Variants in CNOT9 observed in about 807,000 individuals in gnomAD.
CNOT9 encodes the protein RCD1 required for cell differentiation1 homolog.
A neutral mutation model predicts 37.4 loss-of-function variants in CNOT9; 8 were observed. That is an observed-to-expected ratio of 0.21 (90% CI 0.13 to 0.39). CNOT9 has a LOEUF of 0.39. CNOT9 is among the 10% of genes least tolerant of loss of function. The probability of loss-of-function intolerance (pLI) is 1.00; values close to 1 mark genes in which losing one functional copy is unlikely to be tolerated. For missense variants in CNOT9, 154 were observed against 365.3 expected (o/e 0.42, Z 4.71); for synonymous variants, 120 against 137.6 (o/e 0.87, Z 0.90).
intron 5 of CNOT9, among the ~76,000 whole-genome samples, chr2:218,590,457 T>C (rs1447671128): frequency 6.6e-6 from 1 of 152,234 alleles, no homozygotes; most frequent in Non-Finnish European, 1.5e-5. Flanking sequence ...TGTAAGTTTA[T>C]ATTAGGTTCC....
chr2:218,594,408 G>GTACCTTGCCCCTTTT lies in CNOT9; in HGVS notation c.*132_*133insTACCTTGCCCCTTTT. The GTACCTTGCCCCTTTT allele has an allele frequency of 2.9e-6, 3 of 1,039,954 alleles. No homozygotes were observed. Among genetic ancestry groups the GTACCTTGCCCCTTTT allele is most frequent in the Non-Finnish European group, 4.1e-6 (3 of 726,670 alleles). The allele number at this position is 1,039,954 out of a possible 1,614,324, so 64.4% of individuals were successfully genotyped here. ...TGCTGAACCGCACTGGAGAAAAGGG[G>GTACCTTGCCCCTTTT]CAAGGTACCCCTGCTGAGGTGTATG... On this transcript the variant is annotated 3_prime_UTR_variant, in exon 8 of 8. Coordinates refer to ENST00000273064, the MANE Select transcript of CNOT9 (RefSeq NM_005444.3).
In CNOT9 at chr2:218,596,931, C is replaced by T. The variant is rs534707566; in HGVS notation, c.*2655C>T. ...GCCTTAGAGGGCCTGTGGCCTGTTT[C>T]ACTGGTGGAACAGGAGCAGCATTGG... On this transcript the variant is annotated 3_prime_UTR_variant, in exon 8 of 8. Transcript: ENST00000273064. 1 of 152,172 alleles carries T rather than the reference C, an allele frequency of 6.6e-6. No homozygotes were observed. The highest frequency in any genetic ancestry group is 2.4e-5 in the African/African-American group (1 of 41,448). 9.4% of individuals were successfully genotyped at this position (152,172 alleles called of 1,614,324 possible).
chr2:218,586,575 G>A (rs879261673), intron 4 of CNOT9, among the ~76,000 whole-genome samples: 2 of 150,004 alleles, frequency 1.3e-5, no homozygotes, highest in African/African-American at 4.9e-5. Flanking sequence ...TGCACCCTCC[G>A]CCTCCTGGGT....
At position 218,594,189 on chromosome 2, in the gene CNOT9, C is replaced by T. The variant is rs749872760; in HGVS notation, c.813C>T (p.Thr271=). Residue 271 remains threonine, a synonymous_variant, in exon 8 of 8, where the codon ACC becomes ACT. Coordinates refer to ENST00000273064, the MANE Select transcript of CNOT9 (RefSeq NM_005444.3). ...TFAQVLKDDT[T]TKRWLAQLVK... ...CCCAGGTGCTAAAAGATGACACCACCACGAAACGCTGGCTTGCACAACTGG... is the reference window on the plus strand; with the variant it reads ...CCCAGGTGCTAAAAGATGACACCACTACGAAACGCTGGCTTGCACAACTGG... 6.2e-7 allele frequency: 1 copy of T among 1,614,102 alleles called. No homozygotes were observed. Among genetic ancestry groups the T allele is most frequent in the Non-Finnish European group, 8.5e-7 (1 of 1,180,046 alleles).
intron 1 of CNOT9, 59 bp from the exon 2 acceptor site, chr2:218,580,502 G>C: frequency 7.0e-7 from 1 of 1,432,958 alleles, no homozygotes; most frequent in East Asian, 2.3e-5. Context: ...CTCTGTTGCA[G>C]GGTAAGACTT....
rs1218249150 is a variant in CNOT9 at position 218,595,332 on chromosome 2, T to C, written c.*1056T>C. On this transcript the variant is annotated 3_prime_UTR_variant, in exon 8 of 8. Transcript: ENST00000273064. ...GCTCCATCTGTCTTCATGATTGTAC[T>C]TGAGCAGTATTAGCTGTATGAGTTA... The C allele has an allele frequency of 6.6e-6, 1 of 150,420 alleles. No individual in the cohort carries two copies. The highest frequency in any genetic ancestry group is 2.4e-5 in the African/African-American group (1 of 41,330). The allele number at this position is 150,420 out of a possible 1,614,324, so 9.3% of individuals were successfully genotyped here. A position where few individuals can be genotyped will look rare whatever the true frequency, so the allele number is the denominator to read the frequency against.
intron 3 of CNOT9, among the ~76,000 whole-genome samples, chr2:218,583,394 T>A (rs1036024884): frequency 1.3e-5 from 2 of 152,126 alleles, no homozygotes; most frequent in African/African-American, 2.4e-5. Context: ...CTCCCTGACC[T>A]GTTATTGACA....
chr2:218,591,924 T>C (rs1255069379), intron 5 of CNOT9, among the ~76,000 whole-genome samples: 6 of 152,138 alleles, frequency 3.9e-5, no homozygotes, highest in Admixed American at 2.6e-4. Context: ...TGGTGCATTA[T>C]TGATTAACAG....
chr2:218,575,363 A>ATTTTCTTTTTTC (rs1208520408), intron 1 of CNOT9, among the ~76,000 whole-genome samples: 1 of 139,676 alleles, frequency 7.2e-6, no homozygotes, highest in Non-Finnish European at 1.6e-5. Flanking sequence ...AAGATCCACA[A>ATTTTCTTTTTTC]TTTTCTTTTT....
intron 3 of CNOT9, among the ~76,000 whole-genome samples, chr2:218,583,511 T>C (rs1300530340): frequency 6.6e-6 from 1 of 152,158 alleles, no homozygotes; most frequent in Non-Finnish European, 1.5e-5. Context: ...GAATCCTTCT[T>C]AACATAGCAT....
chr2:218,588,111 T>TC (rs1391405773), intron 5 of CNOT9, among the ~76,000 whole-genome samples: 1 of 152,152 alleles, frequency 6.6e-6, no homozygotes, highest in Non-Finnish European at 1.5e-5. Context: ...AATTCTTACC[T>TC]CATTGTTCTG....
At chr2:218,581,310 A>G (rs1047723804) in intron 2 of CNOT9, among the ~76,000 whole-genome samples, 6 of 150,886 alleles carry the variant, frequency 4.0e-5, no homozygotes, top group African/African-American at 1.5e-4. Flanking sequence ...CTGGGATTAT[A>G]GGCCTGCATC....
chr2:218,568,845 G>C lies in CNOT9; in HGVS notation c.-110G>C, dbSNP rs1191122663. 2 of 1,283,486 alleles carry C rather than the reference G, an allele frequency of 1.6e-6. No individual in the cohort carries two copies. The highest frequency in any genetic ancestry group is 2.6e-5 in the East Asian group (1 of 38,888). The allele number at this position is 1,283,486 out of a possible 1,614,324, so 79.5% of individuals were successfully genotyped here. The stretch of plus-strand genomic sequence containing the variant: ...GCCGCGAAGTGGGCGGAGCGAGCCG[G>C]AGTCGGATGGCGGCTACGGCGGCTC... On this transcript the variant is annotated 5_prime_UTR_variant, in exon 1 of 8. Coordinates refer to ENST00000273064, the MANE Select transcript of CNOT9 (RefSeq NM_005444.3).
At position 218,596,039 on chromosome 2, in the gene CNOT9, T is replaced by C. The variant is rs1694918544; in HGVS notation, c.*1763T>C. On this transcript the variant is annotated 3_prime_UTR_variant, in exon 8 of 8. Transcript: ENST00000273064. ...GACTGGATAGACATCTTGACTCTAT[T>C]CAGCCCGTAGTCTGTGATCTGGAGA... is the stretch of plus-strand genomic sequence containing the variant. The C allele has an allele frequency of 6.6e-6, 1 of 152,182 alleles. No individual in the cohort carries two copies. Among genetic ancestry groups the C allele is most frequent in the Non-Finnish European group, 1.5e-5 (1 of 68,036 alleles). The allele number at this position is 152,182 out of a possible 1,614,324, so 9.4% of individuals were successfully genotyped here.
chr2:218,570,932 C>A (rs554172241), intron 1 of CNOT9, among the ~76,000 whole-genome samples: 6 of 152,202 alleles, frequency 3.9e-5, no homozygotes, highest in Non-Finnish European at 7.3e-5. Context: ...CAAATTCCTT[C>A]GTACCACTCA....
Position 218,568,861 on chromosome 2 carries a change from A to ACGGCGGCTC in CNOT9, c.-93_-85dup. The ACGGCGGCTC allele has an allele frequency of 7.0e-7, 1 of 1,424,220 alleles. No homozygotes were observed. The highest frequency in any genetic ancestry group is 9.6e-7 in the Non-Finnish European group (1 of 1,036,806). The allele number at this position is 1,424,220 out of a possible 1,614,324, so 88.2% of individuals were successfully genotyped here. A position where few individuals can be genotyped will look rare whatever the true frequency, so the allele number is the denominator to read the frequency against. ...AGCGAGCCGGAGTCGGATGGCGGCT[A>ACGGCGGCTC]CGGCGGCTCATTGTTTTCCGCTGCA... On this transcript the variant is annotated 5_prime_UTR_variant, in exon 1 of 8. Coordinates refer to ENST00000273064, the MANE Select transcript of CNOT9 (RefSeq NM_005444.3).
intron 2 of CNOT9, among the ~76,000 whole-genome samples, chr2:218,581,528 A>G (rs1478467915): frequency 6.6e-6 from 1 of 152,162 alleles, no homozygotes. Flanking sequence ...ACACTTGTAC[A>G]TTAAAGAATA....
intron 1 of CNOT9, among the ~76,000 whole-genome samples, chr2:218,571,593 T>TA (rs1553563626): frequency 2.0e-5 from 3 of 149,250 alleles, no homozygotes; most frequent in Non-Finnish European, 4.5e-5. Context: ...TTTTTTGAGA[T>TA]AGAGTTTTGC....
chr2:218,591,299 C>T (rs1694767778), intron 5 of CNOT9, among the ~76,000 whole-genome samples: 1 of 152,142 alleles, frequency 6.6e-6, no homozygotes, highest in South Asian at 2.1e-4. Flanking sequence ...ATTTTAATAT[C>T]TCTTTTATGT....
Sources: allele counts gnomAD v4.1 joint callset (sites outside exome capture counted in the v4.1 genomes callset), GRCh38; gene constraint gnomAD v4.1.1; transcripts MANE v1.5; gene names NCBI Gene and HGNC (gene_info 2026-07-23, HGNC 2026-07-21).